Variants in LIPJ observed in about 807,000 individuals in gnomAD.
LIPJ encodes lipase family member J.
A neutral mutation model predicts 39.8 loss-of-function variants in LIPJ; 33 were observed. The observed-to-expected ratio is 0.83, with a 90% confidence interval of 0.63 to 1.11. The LOEUF (loss-of-function observed/expected upper bound fraction) is 1.11, where lower values mean the gene tolerates loss of function less well. LIPJ is among the 50% of genes least tolerant of loss of function. The pLI is 0.00. For missense variants in LIPJ, 422 were observed against 427.9 expected, an observed-to-expected ratio of 0.99 and a Z score of 0.12; for synonymous variants, 128 against 139.2, an observed-to-expected ratio of 0.92 and a Z score of 0.57.
chr10:88,595,442 T>C (rs1851221406), intron 6 of LIPJ, among the ~76,000 whole-genome samples: 1 of 151,724 alleles, frequency 6.6e-6, no homozygotes, highest in African/African-American at 2.4e-5. Flanking sequence ...AATTTTCTTA[T>C]AGAAATAATC....
At chr10:88,598,589 T>C (rs1851340434) in intron 8 of LIPJ, among the ~76,000 whole-genome samples, 2 of 151,990 alleles carry the variant, frequency 1.3e-5, no homozygotes, top group African/African-American at 4.8e-5. Flanking sequence ...AGGGAATGGA[T>C]TCCTTCTTAT....
intron 8 of LIPJ, 63 bp from the exon 9 acceptor site, chr10:88,602,513 A>T: frequency 8.9e-7 from 1 of 1,119,594 alleles, no homozygotes. Context: ...AAATATTAAA[A>T]GATTATGCTC....
At chr10:88,599,288 C>T (rs1851382611) in intron 8 of LIPJ, among the ~76,000 whole-genome samples, 1 of 151,776 alleles carries the variant, frequency 6.6e-6, no homozygotes, top group Non-Finnish European at 1.5e-5. Context: ...TGCTTAAGAT[C>T]TATTCTCTTA....
At chr10:88,607,749 A>G (rs1851701626), downstream of LIPJ, among the ~76,000 whole-genome samples, 1 of 152,202 alleles carries the variant, frequency 6.6e-6, no homozygotes, top group Non-Finnish European at 1.5e-5. Flanking sequence ...GTGGCAAGAC[A>G]ATGGGCATCA....
At chr10:88,612,507 A>T in the LIPJ span, among the ~76,000 whole-genome samples, 2 of 152,264 alleles carry the variant, frequency 1.3e-5, no homozygotes, top group Middle Eastern at 3.4e-3. Flanking sequence ...AACACATAAG[A>T]TCTCACAGAA....
upstream of LIPJ, chr10:88,583,207 G>C: frequency 1.2e-6 from 2 of 1,613,258 alleles, no homozygotes; most frequent in Non-Finnish European, 1.7e-6. Flanking sequence ...AGGGAGCAGC[G>C]ATCCGCGCTG....
chr10:88,599,042 C>T (rs1283446517), intron 8 of LIPJ, among the ~76,000 whole-genome samples: 1 of 145,038 alleles, frequency 6.9e-6, no homozygotes, highest in Non-Finnish European at 1.5e-5. Flanking sequence ...ATATAGAGGA[C>T]ATGATAAATA....
chr10:88,609,294 G>A (rs1465950836), downstream of LIPJ, among the ~76,000 whole-genome samples: 1 of 152,240 alleles, frequency 6.6e-6, no homozygotes, highest in African/African-American at 2.4e-5. Flanking sequence ...CTATGAAGAA[G>A]TCCTTGTTTT....
At chr10:88,583,421 GCTGT>G (rs1348453555), upstream of LIPJ, 11 of 1,357,146 alleles carry the variant, frequency 8.1e-6, no homozygotes, top group East Asian at 6.0e-5. Context: ...GAGAACCGGG[GCTGT>G]CTGTCTTCTC....
intron 8 of LIPJ, among the ~76,000 whole-genome samples, chr10:88,598,945 AT>A (rs1357512103): frequency 8.6e-6 from 1 of 116,078 alleles, no homozygotes; most frequent in African/African-American, 3.6e-5. Flanking sequence ...AATATTTTAT[AT>A]TGTATTTAAT....
chr10:88,590,785 T>A, intron 3 of LIPJ, 89 bp downstream of exon 3: 1 of 916,158 alleles, frequency 1.1e-6, no homozygotes. Flanking sequence ...AGATTTACAG[T>A]CAAACGTATA....
the LIPJ span, among the ~76,000 whole-genome samples, chr10:88,613,778 A>G: frequency 6.6e-5 from 3 of 45,664 alleles, no homozygotes; most frequent in African/African-American, 3.6e-4. Context: ...GTGTATATAT[A>G]TATATATATA....
chr10:88,590,687 T>C, exon 3 of LIPJ: 3 of 1,592,690 alleles, frequency 1.9e-6, no homozygotes, highest in Non-Finnish European at 2.6e-6. Context: ...CTGAAGCAGA[T>C]ATGAATATTG....
At chr10:88,594,112 A>G in exon 5 of LIPJ, 1 of 1,611,290 alleles carries the variant, frequency 6.2e-7, no homozygotes, top group Non-Finnish European at 8.5e-7. Context: ...ACTTGTACCT[A>G]GAAACGAGTT....
intron 3 of LIPJ, among the ~76,000 whole-genome samples, 187 bp downstream of exon 3, chr10:88,590,883 A>C (rs1250249306): frequency 6.6e-6 from 1 of 151,910 alleles, no homozygotes; most frequent in Non-Finnish European, 1.5e-5. Context: ...AAAATGTGTA[A>C]CTATATTCAT....
exon 7 of LIPJ, chr10:88,596,385 G>T (rs1308750652): frequency 1.3e-6 from 2 of 1,544,618 alleles, no homozygotes; most frequent in East Asian, 2.4e-5. Context: ...CCTTTAATTA[G>T]AATGACATAC....
downstream of LIPJ, among the ~76,000 whole-genome samples, chr10:88,610,513 T>G (rs1322525394): frequency 2.0e-5 from 3 of 152,152 alleles, no homozygotes; most frequent in Non-Finnish European, 4.4e-5. Context: ...CTAATCAAAA[T>G]CCCCTGGGCT....
chr10:88,608,216 C>A (rs1851708663), downstream of LIPJ, among the ~76,000 whole-genome samples: 1 of 152,158 alleles, frequency 6.6e-6, no homozygotes, highest in South Asian at 2.1e-4. Context: ...GTTCACAGTC[C>A]AGAGGCACAG....
At chr10:88,585,788 A>G (rs1038009117), upstream of LIPJ, 1 of 152,160 alleles carries the variant, frequency 6.6e-6, no homozygotes, top group Non-Finnish European at 1.5e-5. Context: ...TAGTCTTCCT[A>G]CTTCCCAGTT....
Sources: gnomAD v4.1 joint callset for allele counts (sites outside exome capture counted in the v4.1 genomes callset) on GRCh38, gnomAD v4.1.1 for gene constraint, MANE v1.5 for transcripts, NCBI Gene and HGNC (gene_info 2026-07-23, HGNC 2026-07-21) for gene names.